PPIL3: variants seen among roughly 807,000 people sequenced by gnomAD.
PPIL3 encodes peptidylprolyl isomerase like 3.
In PPIL3, 13 loss-of-function variants were observed where a neutral mutation model predicts 20.9. The ratio of observed to expected loss-of-function variants is 0.62; its 90% confidence interval spans 0.40 to 0.99. PPIL3 has a LOEUF of 0.99. PPIL3 is among the 50% of genes least tolerant of loss of function. The pLI is 0.00. For missense variants in PPIL3, 170 were observed against 195.2 expected (o/e 0.87, Z 0.77); for synonymous variants, 71 against 64.4 (o/e 1.10, Z -0.49).
chr2:200,878,375 TTTTTTTCA>T (rs1307229518), intron 5 of PPIL3, among the ~76,000 whole-genome samples: 1 of 151,980 alleles, frequency 6.6e-6, no homozygotes, highest in African/African-American at 2.4e-5. Flanking sequence ...TAATACCTTT[TTTTTTTCA>T]TTTTTTCATT....
chr2:200,880,691 T>C lies in PPIL3; in HGVS notation c.240+730A>G, dbSNP rs528660263. ...CCCGGCCCTGGTTGAGGATACTTCA[T>C]TGCTCTTTTTCTAATCATAAAGTTA... On this transcript the variant is annotated intron_variant, in intron 5 of 6. Coordinates refer to ENST00000392283, the MANE Select transcript of PPIL3 (RefSeq NM_130906.3). Among the ~76,000 whole-genome samples the C allele has an allele frequency of 3.9e-5, 6 of 152,246 alleles. No individual in the cohort carries two copies. In the South Asian group the frequency reaches 6.2e-4, roughly 16 times the overall value.
intron 5 of PPIL3, 47 bp from the exon 6 acceptor site, chr2:200,877,084 C>A: frequency 8.1e-7 from 1 of 1,229,446 alleles, no homozygotes; most frequent in Non-Finnish European, 1.2e-6. Context: ...ATATAACCAT[C>A]CCAAATATAG....
rs1240805240 is a variant in PPIL3 at position 200,870,937 on chromosome 2, C to T, written c.*458G>A. The T allele has an allele frequency of 6.6e-6, 1 of 152,576 alleles. No individual in the cohort carries two copies. The highest frequency in any genetic ancestry group is 1.5e-5 in the Non-Finnish European group (1 of 68,344). The allele number at this position is 152,576 out of a possible 1,614,324, so 9.5% of individuals were successfully genotyped here. A position where few individuals can be genotyped will look rare whatever the true frequency, so the allele number is the denominator to read the frequency against. The stretch of plus-strand genomic sequence containing the variant: ...TTAAACATGAAGTTCATTTACGTTT[C>T]ATATATACCTTATACACATAGCCTG... On this transcript the variant is annotated 3_prime_UTR_variant, in exon 7 of 7. Transcript: ENST00000392283.
In PPIL3 at chr2:200,884,128, C is replaced by T. The variant is rs147395996; in HGVS notation, c.78+1570G>A. Among the ~76,000 whole-genome samples, 501 of 108,344 alleles carry T rather than the reference C, an allele frequency of 4.6e-3. 6 individuals carry two copies. The highest frequency in any genetic ancestry group is 0.021 in the African/African-American group (477 of 22,560). 71.1% of individuals were successfully genotyped at this position (108,344 alleles called of 152,430 possible). ...ATCCTTGTCATTTAAACAGGTGACA[C>T]AGGCCGGGTGCAGTGGCTTTGGGCA... On this transcript the variant is annotated intron_variant, in intron 3 of 6. Transcript: ENST00000392283.
At chr2:200,876,819 G>A (rs537444197) in intron 6 of PPIL3, 100 bp downstream of exon 6, 102 of 926,656 alleles carry the variant, frequency 1.1e-4, no homozygotes, top group Middle Eastern at 9.2e-4. Context: ...CACTGCGCTC[G>A]GCCTCACTCT....
intron 3 of PPIL3, among the ~76,000 whole-genome samples, chr2:200,882,676 G>A (rs1192198588): frequency 7.2e-5 from 11 of 152,066 alleles, no homozygotes; most frequent in Admixed American, 1.3e-4. Flanking sequence ...TTGGGAGGCC[G>A]AGGTGGGTGG....
chr2:200,887,205 C>T (rs570181504), intron 2 of PPIL3, among the ~76,000 whole-genome samples: 1 of 151,876 alleles, frequency 6.6e-6, no homozygotes, highest in South Asian at 2.1e-4. Context: ...CCCAAAATGG[C>T]GAAACCCCAT....
Position 200,871,251 on chromosome 2 carries a change from G to A in PPIL3, c.*144C>T, listed in dbSNP as rs1437328980. Reference sequence around the variant, plus strand: ...AGAATGGGGATAAAAGCTGTTGGGCGCCCCTTGGTACCACCATTTCATAGA... The same window carrying A: ...AGAATGGGGATAAAAGCTGTTGGGCACCCCTTGGTACCACCATTTCATAGA... On this transcript the variant is annotated 3_prime_UTR_variant, in exon 7 of 7. Transcript: ENST00000392283. 15 of 698,440 alleles carry A rather than the reference G, an allele frequency of 2.1e-5. No individual in the cohort carries two copies. The highest frequency in any genetic ancestry group is 3.6e-5 in the African/African-American group (2 of 54,884). The allele number at this position is 698,440 out of a possible 1,614,324, so 43.3% of individuals were successfully genotyped here. A position where few individuals can be genotyped will look rare whatever the true frequency, so the allele number is the denominator to read the frequency against.
chr2:200,871,258 G>T lies in PPIL3; in HGVS notation c.*137C>A. 3 of 862,202 alleles carry T rather than the reference G, an allele frequency of 3.5e-6. No homozygotes were observed. The highest frequency in any genetic ancestry group is 5.1e-6 in the Non-Finnish European group (3 of 586,918). The allele number at this position is 862,202 out of a possible 1,614,324, so 53.4% of individuals were successfully genotyped here. A position where few individuals can be genotyped will look rare whatever the true frequency, so the allele number is the denominator to read the frequency against. On this transcript the variant is annotated 3_prime_UTR_variant, in exon 7 of 7. Transcript: ENST00000392283. ...GGATAAAAGCTGTTGGGCGCCCCTTGGTACCACCATTTCATAGAAGATCAT... is the reference window on the plus strand; with the variant it reads ...GGATAAAAGCTGTTGGGCGCCCCTTTGTACCACCATTTCATAGAAGATCAT...
chr2:200,877,962 A>C (rs1177654945), intron 5 of PPIL3, among the ~76,000 whole-genome samples: 4 of 152,206 alleles, frequency 2.6e-5, no homozygotes, highest in Non-Finnish European at 4.4e-5. Flanking sequence ...GTAACTGTGA[A>C]CTATGTTACA....
In PPIL3 at chr2:200,885,754, C is replaced by G. The variant is rs1316765218; in HGVS notation, c.22G>C (p.Asp8His). ...ACTTCAATTTTAATATCACCTACAT[C>G]TGTATGCAGTGTCACAGACTAAAAA... MSVTLHT[D>H]VGDIKIEVFC... The change falls in exon 3 of 7, where the codon GAT (aspartate) becomes CAT (histidine). Residue 8 changes from aspartate to histidine, a missense_variant. Transcript: ENST00000392283. The G allele has an allele frequency of 6.3e-7, 1 of 1,592,322 alleles. No homozygotes were observed. The highest frequency in any genetic ancestry group is 8.6e-7 in the Non-Finnish European group (1 of 1,163,274).
intron 1 of PPIL3, among the ~76,000 whole-genome samples, chr2:200,887,989 G>A (rs563386173): frequency 6.6e-6 from 1 of 151,004 alleles, no homozygotes; most frequent in Non-Finnish European, 1.5e-5. Flanking sequence ...CCCAGGAGGC[G>A]GAGGCTGCAG....
chr2:200,885,887 T>C, intron 2 of PPIL3, 115 bp from the exon 3 acceptor site: 2 of 624,480 alleles, frequency 3.2e-6, no homozygotes, highest in Non-Finnish European at 5.4e-6. Context: ...CAGACAGAAA[T>C]ACTGCTTCAG....
chr2:200,874,084 A>G (rs1259531102), intron 6 of PPIL3, among the ~76,000 whole-genome samples: 1 of 151,470 alleles, frequency 6.6e-6, no homozygotes, highest in African/African-American at 2.4e-5. Flanking sequence ...GGGCGCCTGT[A>G]GTCCCAGCTA....
Position 200,882,410 on chromosome 2 carries a change from T to C in PPIL3, c.104A>G (p.Asn35Ser). Reference protein sequence around the residue: ...CENFLALCASNYYNGCIFHRN... With the variant: ...CENFLALCASSYYNGCIFHRN... ...ATGAAATATACAGCCATTGTAGTAA[T>C]TACTGGCACAAAGAGCCAAGAAATT... The change falls in exon 4 of 7, where the codon AAT becomes AGT. Residue 35 changes from asparagine (N) to serine (S), a missense_variant. Coordinates refer to ENST00000392283, the MANE Select transcript of PPIL3 (RefSeq NM_130906.3). 1.9e-6 allele frequency: 3 copies of C among 1,606,810 alleles called. No individual in the cohort carries two copies. The highest frequency in any genetic ancestry group is 2.6e-6 in the Non-Finnish European group (3 of 1,173,388).
In PPIL3 at chr2:200,880,491, C is replaced by CTCCCACTT. The variant is rs573329573; in HGVS notation, c.240+922_240+929dup. On this transcript the variant is annotated intron_variant, in intron 5 of 6. Coordinates refer to ENST00000392283, the MANE Select transcript of PPIL3 (RefSeq NM_130906.3). Reference sequence around the variant, plus strand: ...CTTGATCTCCTGGGCTCAAGCAATCCTCCCACTTCAGCCTCTTGAGTAGCT... The same window carrying CTCCCACTT: ...CTTGATCTCCTGGGCTCAAGCAATCCTCCCACTTTCCCACTTCAGCCTCTTGAGTAGCT... Among the ~76,000 whole-genome samples, 340 of 147,784 alleles carry CTCCCACTT rather than the reference C, an allele frequency of 2.3e-3. 1 individual carries two copies. The highest frequency in any genetic ancestry group is 8.0e-3 in the African/African-American group (312 of 38,932).
In PPIL3 at chr2:200,871,367, T is replaced by G; in HGVS notation, c.*28A>C. ...ACAATAAGTGTGTTCCAGCAATTTG[T>G]CAAGTTATTTGTCCAGGTCTATCAT... On this transcript the variant is annotated 3_prime_UTR_variant, in exon 7 of 7. Transcript: ENST00000392283. 6.3e-7 allele frequency: 1 copy of G among 1,587,234 alleles called. No homozygotes were observed. Among genetic ancestry groups the G allele is most frequent in the Non-Finnish European group, 8.6e-7 (1 of 1,165,944 alleles).
chr2:200,876,975 G>T lies in PPIL3; in HGVS notation c.303C>A (p.Phe101Leu). ...NNGPNTNGSQ[F>L]FITYGKQPHL... is the part of the protein sequence containing the mutation. ...GTGGCTGTTTGCCATAGGTGATGAA[G>T]AACTGAGATCCATTGGTGTTCGGGC... Residue 101 changes from phenylalanine (F) to leucine (L), a missense_variant, in exon 6 of 7, where the codon TTC becomes TTA. Coordinates refer to ENST00000392283, the MANE Select transcript of PPIL3 (RefSeq NM_130906.3). 1 of 1,613,918 alleles carries T rather than the reference G, an allele frequency of 6.2e-7. No individual in the cohort carries two copies. The highest frequency in any genetic ancestry group is 8.5e-7 in the Non-Finnish European group (1 of 1,179,824).
At chr2:200,886,007 G>T (rs1313808965) in intron 2 of PPIL3, among the ~76,000 whole-genome samples, 4 of 152,146 alleles carry the variant, frequency 2.6e-5, no homozygotes, top group Non-Finnish European at 4.4e-5. Context: ...GGGTTAAGTA[G>T]TATCCATGAC....
Sources: allele counts gnomAD v4.1 joint callset (sites outside exome capture counted in the v4.1 genomes callset), GRCh38; gene constraint gnomAD v4.1.1; transcripts MANE v1.5; gene names NCBI Gene and HGNC (gene_info 2026-07-23, HGNC 2026-07-21).